The following CLYBL variants were observed in gnomAD, a reference collection of about 807,000 sequenced individuals.
CLYBL encodes citramalyl-CoA lyase, mitochondrial.
CLYBL carries 31 observed loss-of-function variants against 38.9 expected under a neutral mutation model. That is an observed-to-expected ratio of 0.80 (90% CI 0.60 to 1.08). The LOEUF (loss-of-function observed/expected upper bound fraction) is 1.08, where lower values mean the gene tolerates loss of function less well. CLYBL is among the 50% of genes least tolerant of loss of function. CLYBL has a pLI of 0.00. For missense variants in CLYBL, 434 were observed against 411.6 expected (o/e 1.05, Z -0.47); for synonymous variants, 171 against 158.6 (o/e 1.08, Z -0.59).
At chr13:99,710,674 C>A (rs2048216162) in intron 1 of CLYBL, among the ~76,000 whole-genome samples, 1 of 152,148 alleles carries the variant, frequency 6.6e-6, no homozygotes, top group African/African-American at 2.4e-5. Flanking sequence ...CCCCTAGTTT[C>A]TTCCCTGTCC....
chr13:99,622,002 T>G (rs1233087368), intron 1 of CLYBL, among the ~76,000 whole-genome samples: 1 of 152,238 alleles, frequency 6.6e-6, no homozygotes, highest in Non-Finnish European at 1.5e-5. Context: ...GTGATCTGTT[T>G]GCTTGCCTGT....
intron 7 of CLYBL, among the ~76,000 whole-genome samples, chr13:99,883,238 C>T (rs527708954): frequency 1.8e-4 from 27 of 152,054 alleles, no homozygotes; most frequent in Admixed American, 5.9e-4. Context: ...ATAGCAGAAC[C>T]GACCGGGCGC....
chr13:99,823,434 A>T (rs1439127721), intron 2 of CLYBL, among the ~76,000 whole-genome samples: 1 of 152,212 alleles, frequency 6.6e-6, no homozygotes, highest in East Asian at 1.9e-4. Context: ...AGATATTTTC[A>T]TTACCCTGAA....
At chr13:99,781,337 A>T (rs986777125) in intron 2 of CLYBL, among the ~76,000 whole-genome samples, 1 of 150,872 alleles carries the variant, frequency 6.6e-6, no homozygotes, top group Non-Finnish European at 1.5e-5. Flanking sequence ...TGCCCAGCTA[A>T]TTTTTTCTAT....
chr13:99,868,229 A>G (rs1391936558), intron 6 of CLYBL, among the ~76,000 whole-genome samples: 2 of 152,186 alleles, frequency 1.3e-5, no homozygotes, highest in Admixed American at 6.5e-5. Flanking sequence ...TGTTGCCCCA[A>G]TTATATTTCT....
chr13:99,625,962 G>A (rs2139218274), intron 1 of CLYBL, among the ~76,000 whole-genome samples: 1 of 152,348 alleles, frequency 6.6e-6, no homozygotes, highest in Admixed American at 6.5e-5. Flanking sequence ...TCTAAGAAGG[G>A]TGCGGTGTGA....
At chr13:99,702,951 C>T (rs1594128345) in intron 1 of CLYBL, among the ~76,000 whole-genome samples, 1 of 152,186 alleles carries the variant, frequency 6.6e-6, no homozygotes, top group Non-Finnish European at 1.5e-5. Context: ...TACTTTCCAC[C>T]ATGAACTCTT....
chr13:99,744,295 T>C (rs2048812234), intron 1 of CLYBL, among the ~76,000 whole-genome samples: 1 of 152,312 alleles, frequency 6.6e-6, no homozygotes, highest in African/African-American at 2.4e-5. Context: ...TTTAAAATGT[T>C]GGAGGCCAGG....
intron 1 of CLYBL, among the ~76,000 whole-genome samples, chr13:99,653,173 T>C (rs2047280219): frequency 6.6e-6 from 1 of 152,094 alleles, no homozygotes; most frequent in African/African-American, 2.4e-5. Context: ...GGAAGGGTGT[T>C]TGGGTCCAGT....
intron 1 of CLYBL, among the ~76,000 whole-genome samples, chr13:99,709,043 A>C (rs2048187903): frequency 6.6e-6 from 1 of 152,150 alleles, no homozygotes; most frequent in Non-Finnish European, 1.5e-5. Flanking sequence ...CAGTGAACCG[A>C]GATAACGCCA....
chr13:99,736,004 G>GAAACAGAA (rs1037242039), intron 1 of CLYBL, among the ~76,000 whole-genome samples: 44 of 144,210 alleles, frequency 3.1e-4, no homozygotes, highest in Non-Finnish European at 1.2e-4. Context: ...TTGTTTGTTT[G>GAAACAGAA]AAACAGAATT....
chr13:99,637,319 A>G (rs944303797), intron 1 of CLYBL, among the ~76,000 whole-genome samples: 61 of 152,180 alleles, frequency 4.0e-4, no homozygotes, highest in African/African-American at 1.4e-3. Flanking sequence ...AAAATTCTCC[A>G]TGAAAACCCA....
downstream of CLYBL, among the ~76,000 whole-genome samples, chr13:99,897,345 G>A (rs919273788): frequency 2.6e-5 from 4 of 152,168 alleles, no homozygotes; most frequent in African/African-American, 7.2e-5. Context: ...TTGCTCATAC[G>A]CAGGGAACTG....
chr13:99,738,724 A>G (rs1402452130), intron 1 of CLYBL, among the ~76,000 whole-genome samples: 1 of 152,202 alleles, frequency 6.6e-6, no homozygotes, highest in African/African-American at 2.4e-5. Flanking sequence ...AGACTTTACT[A>G]GATCACTCAG....
At chr13:99,759,457 G>A (rs2049125908) in intron 1 of CLYBL, among the ~76,000 whole-genome samples, 1 of 152,094 alleles carries the variant, frequency 6.6e-6, no homozygotes, top group Admixed American at 6.6e-5. Flanking sequence ...GTGGGGTGCG[G>A]GTGAGTTCTA....
intron 1 of CLYBL, among the ~76,000 whole-genome samples, chr13:99,701,075 A>G (rs970904812): frequency 2.0e-5 from 3 of 152,174 alleles, no homozygotes; most frequent in Admixed American, 6.5e-5. Flanking sequence ...TCATCCCAGC[A>G]TGGTGCAAAG....
At chr13:99,907,902 A>G (rs1170224157) in intron 9 of CLYBL, among the ~76,000 whole-genome samples, 1 of 152,180 alleles carries the variant, frequency 6.6e-6, no homozygotes, top group East Asian at 1.9e-4. Flanking sequence ...TCCAGGTGCC[A>G]AGACTTTGGG....
intron 2 of CLYBL, among the ~76,000 whole-genome samples, chr13:99,818,113 A>G (rs2139017290): frequency 6.6e-6 from 1 of 152,202 alleles, no homozygotes; most frequent in South Asian, 2.1e-4. Context: ...CTGGATTCCA[A>G]TTCTTGCCCT....
At chr13:99,680,997 A>G (rs536947617) in intron 1 of CLYBL, among the ~76,000 whole-genome samples, 1 of 152,308 alleles carries the variant, frequency 6.6e-6, no homozygotes, top group African/African-American at 2.4e-5. Context: ...ATAAATTAAA[A>G]TTTTTCCTTT....
Sources: gnomAD v4.1 joint callset for allele counts (sites outside exome capture counted in the v4.1 genomes callset) on GRCh38, gnomAD v4.1.1 for gene constraint, MANE v1.5 for transcripts, NCBI Gene and HGNC (gene_info 2026-07-23, HGNC 2026-07-21) for gene names.